Variants in IGSF21 observed in about 807,000 individuals in gnomAD.
IGSF21 encodes the protein immunoglobin superfamily member 21.
A neutral mutation model predicts 46.8 loss-of-function variants in IGSF21; 28 were observed. The observed-to-expected ratio is 0.60, with a 90% CI of 0.44 to 0.82. IGSF21 has a LOEUF of 0.82. IGSF21 is among the 40% of genes least tolerant of loss of function. The pLI, the probability that IGSF21 is intolerant of heterozygous loss-of-function variation, is 0.00. For synonymous variants in IGSF21, 284 were observed against 273.6 expected (o/e 1.04, Z -0.38); for missense variants, 624 against 665.5 (o/e 0.94, Z 0.69).
chr1:18,378,134 C>A, intron 9 of IGSF21, 122 bp from the exon 10 acceptor site: 2 of 748,826 alleles, frequency 2.7e-6, no homozygotes, highest in South Asian at 1.7e-5. Context: ...CAGAGCTGGG[C>A]TTCGAACCCA....
intron 2 of IGSF21, among the ~76,000 whole-genome samples, chr1:18,278,662 T>A (rs2085128463): frequency 6.6e-6 from 1 of 151,896 alleles, no homozygotes; most frequent in African/African-American, 2.4e-5. Context: ...CAGGAAATCC[T>A]TCCACTGCAG....
intron 1 of IGSF21, among the ~76,000 whole-genome samples, chr1:18,181,184 G>A (rs796489530): frequency 5.3e-5 from 8 of 152,288 alleles, no homozygotes; most frequent in African/African-American, 1.7e-4. Context: ...ATCCTCGGTC[G>A]TGCGGCGGAT....
chr1:18,212,749 T>C (rs1464721605), intron 1 of IGSF21, among the ~76,000 whole-genome samples: 1 of 152,172 alleles, frequency 6.6e-6, no homozygotes, highest in East Asian at 1.9e-4. Flanking sequence ...CCATGGGCTG[T>C]CAGGGCACCT....
chr1:18,361,935 C>T, intron 4 of IGSF21, 180 bp from the exon 5 acceptor site: 1 of 586,604 alleles, frequency 1.7e-6, no homozygotes, highest in South Asian at 2.1e-5. Flanking sequence ...TGTCTATATT[C>T]CCAGCAAGGA....
chr1:18,241,294 A>T (rs1282059435), intron 2 of IGSF21, among the ~76,000 whole-genome samples: 2 of 152,316 alleles, frequency 1.3e-5, no homozygotes, highest in African/African-American at 4.8e-5. Context: ...GTTGCCATAC[A>T]GGACTTTGCA....
intron 2 of IGSF21, among the ~76,000 whole-genome samples, chr1:18,243,989 C>T (rs909768175): frequency 2.0e-5 from 3 of 152,150 alleles, no homozygotes; most frequent in African/African-American, 7.2e-5. Context: ...TCGTGGAGGG[C>T]CATGACAGCA....
chr1:18,311,570 G>A (rs2085489025), intron 3 of IGSF21, among the ~76,000 whole-genome samples: 1 of 152,176 alleles, frequency 6.6e-6, no homozygotes, highest in Admixed American at 6.5e-5. Context: ...GAAGCCCAGT[G>A]TCCACATGGC....
At position 18,150,112 on chromosome 1, in the gene IGSF21, G is replaced by A. The variant is rs527340941; in HGVS notation, c.70+41914G>A. 2.0e-5 allele frequency among the ~76,000 whole-genome samples: 3 copies of A among 152,244 alleles called. No individual in the cohort carries two copies. In the East Asian group the frequency reaches 5.8e-4, roughly 30 times the overall value. Reference sequence around the variant, plus strand: ...CTGCAAAACAAAAAATTAGCCGGGTGCAGTGGCTCATATGCCTGTAATCCC... The same window carrying A: ...CTGCAAAACAAAAAATTAGCCGGGTACAGTGGCTCATATGCCTGTAATCCC... On this transcript the variant is annotated intron_variant, in intron 1 of 9. Transcript: ENST00000251296.
At chr1:18,331,733 C>T (rs12411228) in intron 3 of IGSF21, among the ~76,000 whole-genome samples, 56,915 of 152,078 alleles carry the variant, frequency 0.37, 11,293 homozygotes, top group South Asian at 0.5. Flanking sequence ...GGATAGAAAG[C>T]CCAGTAAACC....
intron 3 of IGSF21, among the ~76,000 whole-genome samples, chr1:18,314,688 G>A (rs1018070538): frequency 3.3e-5 from 5 of 152,194 alleles, no homozygotes; most frequent in African/African-American, 7.2e-5. Flanking sequence ...GGGAGGTCTC[G>A]TGCCAAAGCC....
At chr1:18,285,294 G>T (rs1340664263) in intron 2 of IGSF21, among the ~76,000 whole-genome samples, 1 of 152,002 alleles carries the variant, frequency 6.6e-6, no homozygotes, top group Non-Finnish European at 1.5e-5. Context: ...AGGCCGGTCA[G>T]CGGGCTCTCA....
At chr1:18,160,478 G>T (rs1427548114) in intron 1 of IGSF21, among the ~76,000 whole-genome samples, 1 of 152,086 alleles carries the variant, frequency 6.6e-6, no homozygotes, top group Non-Finnish European at 1.5e-5. Flanking sequence ...TGGCTTCCTG[G>T]TGACAAGCCC....
intron 1 of IGSF21, among the ~76,000 whole-genome samples, chr1:18,156,569 A>C (rs953437483): frequency 6.6e-6 from 1 of 152,136 alleles, no homozygotes; most frequent in African/African-American, 2.4e-5. Context: ...GAGCCCCCAA[A>C]AGGATTCCCA....
chr1:18,210,143 G>A (rs2084374593), intron 1 of IGSF21, among the ~76,000 whole-genome samples: 1 of 152,110 alleles, frequency 6.6e-6, no homozygotes, highest in Admixed American at 6.5e-5. Context: ...GCTGGATGTA[G>A]GATGTATGCA....
chr1:18,305,527 T>TGGAA (rs1557635247), intron 3 of IGSF21, among the ~76,000 whole-genome samples: 1 of 71,708 alleles, frequency 1.4e-5, no homozygotes, highest in Non-Finnish European at 3.3e-5. Flanking sequence ...GATGGATGGA[T>TGGAA]TATGAATGGA....
intron 4 of IGSF21, among the ~76,000 whole-genome samples, chr1:18,354,678 G>A (rs2085996258): frequency 6.6e-6 from 1 of 152,104 alleles, no homozygotes; most frequent in South Asian, 2.1e-4. Context: ...ATGACACTGG[G>A]AGCCAGAGTG....
At chr1:18,319,585 C>T (rs975105442) in intron 3 of IGSF21, among the ~76,000 whole-genome samples, 5 of 151,690 alleles carry the variant, frequency 3.3e-5, no homozygotes, top group Non-Finnish European at 7.4e-5. Context: ...TACTGTTGTT[C>T]CTCTCATTAA....
intron 1 of IGSF21, among the ~76,000 whole-genome samples, chr1:18,198,714 G>A (rs2087034952): frequency 6.6e-6 from 1 of 152,126 alleles, no homozygotes; most frequent in South Asian, 2.1e-4. Flanking sequence ...TATTGCAGCA[G>A]TTCCACACTG....
At chr1:18,208,894 C>T (rs1478954021) in intron 1 of IGSF21, among the ~76,000 whole-genome samples, 3 of 152,126 alleles carry the variant, frequency 2.0e-5, no homozygotes, top group African/African-American at 7.2e-5. Flanking sequence ...AAACATCATG[C>T]TGAGAACGTG....
Sources: allele counts gnomAD v4.1 joint callset (sites outside exome capture counted in the v4.1 genomes callset), GRCh38; gene constraint gnomAD v4.1.1; transcripts MANE v1.5; gene names NCBI Gene and HGNC (gene_info 2026-07-23, HGNC 2026-07-21).